Variants in MS4A10 observed in about 807,000 individuals in gnomAD.
MS4A10 encodes the protein membrane spanning 4-domains A10.
A neutral mutation model predicts 27.7 loss-of-function variants in MS4A10; 27 were observed. The ratio of observed to expected loss-of-function variants is 0.98; its 90% CI spans 0.72 to 1.35. MS4A10 has a LOEUF of 1.35. MS4A10 is among the 40% of genes most tolerant of loss of function. MS4A10 has a pLI of 0.00. For synonymous variants in MS4A10, 139 were observed against 131.2 expected (o/e 1.06, Z -0.41); for missense variants, 338 against 324.7 (o/e 1.04, Z -0.32).
intron 6 of MS4A10, among the ~76,000 whole-genome samples, chr11:60,796,196 T>TGATAGATG (rs1854529088): frequency 6.6e-6 from 1 of 151,580 alleles, no homozygotes; most frequent in Non-Finnish European, 1.5e-5. Flanking sequence ...ATGCATCCAT[T>TGATAGATG]GATGGATGGA....
At chr11:60,793,921 C>T (rs756862318) in intron 4 of MS4A10, 51 bp from the exon 5 acceptor site, 4 of 1,603,582 alleles carry the variant, frequency 2.5e-6, no homozygotes, top group Non-Finnish European at 3.4e-6. Flanking sequence ...GAGGACCTAG[C>T]CCCAGGTCTC....
chr11:60,795,524 C>T, intron 5 of MS4A10, 31 bp from the exon 6 acceptor site: 2 of 1,457,082 alleles, frequency 1.4e-6, no homozygotes, highest in Non-Finnish European at 1.8e-6. Flanking sequence ...AGCGAGGCCT[C>T]ACCCTGCCTT....
intron 1 of MS4A10, among the ~76,000 whole-genome samples, chr11:60,789,469 C>A (rs1302444263): frequency 1.3e-5 from 2 of 152,180 alleles, no homozygotes; most frequent in Admixed American, 6.5e-5. Flanking sequence ...TGTGTCCAGC[C>A]CCCTTCTAAC....
intron 1 of MS4A10, among the ~76,000 whole-genome samples, chr11:60,786,360 G>A (rs61898838): frequency 0.31 from 47,720 of 151,912 alleles, 8,439 homozygotes; most frequent in Non-Finnish European, 0.41. Flanking sequence ...GCAGTGTCCA[G>A]TGCAGAAACT....
chr11:60,785,779 A>C (rs1854324975), intron 1 of MS4A10, among the ~76,000 whole-genome samples: 1 of 152,106 alleles, frequency 6.6e-6, no homozygotes. Context: ...CTTTTCTTGC[A>C]GTCTGGAAAT....
intron 7 of MS4A10, among the ~76,000 whole-genome samples, chr11:60,798,928 G>A (rs999979020): frequency 1.3e-5 from 2 of 152,200 alleles, no homozygotes; most frequent in African/African-American, 2.4e-5. Context: ...AGCCAGGAAG[G>A]AAGGTCTCCA....
At chr11:60,797,205 G>A (rs514147) in intron 6 of MS4A10, among the ~76,000 whole-genome samples, 148,459 of 152,320 alleles carry the variant, frequency 0.97, 72,468 homozygotes, top group Middle Eastern at 1. Context: ...GGGAAAACTG[G>A]GGCCCCATAC....
chr11:60,790,663 C>G, intron 2 of MS4A10, 145 bp downstream of exon 2: 1 of 976,552 alleles, frequency 1.0e-6, no homozygotes, highest in South Asian at 1.7e-5. Context: ...CTGGAAAAGG[C>G]CTTGAAGATT....
Position 60,790,565 on chromosome 11 carries a change from G to A in MS4A10, c.183+47G>A, listed in dbSNP as rs779927807. 17 of 1,605,872 alleles carry A rather than the reference G, an allele frequency of 1.1e-5. No homozygotes were observed. The Admixed American group carries it at 2.7e-4, about 25-fold the overall frequency. On this transcript the variant is annotated intron_variant, in intron 2 of 7. Transcript: ENST00000308287. ...TCCCAGCAGTGGGAGGCAGAGGAGA[G>A]GGGGATATGAGGAGGATGCTGGGGG...
chr11:60,790,426 A>C lies in MS4A10; in HGVS notation c.91A>C (p.Ser31Arg). ...CAGCCCAGTCCAGCCCTGGCAGACAAGTGCACCCCAGAACACGACCCAGCC... is the reference window on the plus strand; with the variant it reads ...CAGCCCAGTCCAGCCCTGGCAGACACGTGCACCCCAGAACACGACCCAGCC... ...VLSPVQPWQT[S>R]APQNTTQPKL... The change falls in exon 2 of 8, where the codon AGT (serine) becomes CGT (arginine). Residue 31 changes from serine (S) to arginine (R), a missense_variant. Coordinates refer to ENST00000308287, the MANE Select transcript of MS4A10 (RefSeq NM_206893.4). 1 of 1,614,066 alleles carries C rather than the reference A, an allele frequency of 6.2e-7. No individual in the cohort carries two copies.
At chr11:60,798,261 C>T (rs1021713817) in intron 6 of MS4A10, 135 bp from the exon 7 acceptor site, 6 of 686,460 alleles carry the variant, frequency 8.7e-6, no homozygotes, top group South Asian at 3.5e-5. Flanking sequence ...GAAGTCGCTT[C>T]GTCTCTCAAG....
chr11:60,797,092 CTT>C (rs1185237031), intron 6 of MS4A10, among the ~76,000 whole-genome samples: 1 of 152,084 alleles, frequency 6.6e-6, no homozygotes. Context: ...GAGAAGGTGT[CTT>C]TGTTAATTCC....
intron 6 of MS4A10, among the ~76,000 whole-genome samples, chr11:60,798,120 C>T (rs1854561464): frequency 6.6e-6 from 1 of 152,256 alleles, no homozygotes; most frequent in African/African-American, 2.4e-5. Flanking sequence ...GGGTGAGTGA[C>T]TTGCACCTGG....
chr11:60,799,521 A>G (rs1854594860), intron 7 of MS4A10, among the ~76,000 whole-genome samples: 1 of 152,128 alleles, frequency 6.6e-6, no homozygotes, highest in Non-Finnish European at 1.5e-5. Context: ...AATAAAACGC[A>G]ATTTTCCCCT....
At chr11:60,791,532 G>T (rs1270652725) in intron 3 of MS4A10, among the ~76,000 whole-genome samples, 1 of 152,142 alleles carries the variant, frequency 6.6e-6, no homozygotes, top group African/African-American at 2.4e-5. Flanking sequence ...GCCAGGATGG[G>T]AGATGACACT....
intron 7 of MS4A10, among the ~76,000 whole-genome samples, chr11:60,798,954 G>C (rs1394620467): frequency 6.6e-6 from 1 of 152,170 alleles, no homozygotes; most frequent in Non-Finnish European, 1.5e-5. Flanking sequence ...GCACAGGCAG[G>C]GGCTTCCCTT....
In MS4A10 at chr11:60,799,955, C is replaced by T. The variant is rs991858279; in HGVS notation, c.*46C>T. 3 of 1,613,370 alleles carry T rather than the reference C, an allele frequency of 1.9e-6. No individual in the cohort carries two copies. In the African/African-American group the frequency reaches 4.0e-5, roughly 22 times the overall value. On this transcript the variant is annotated 3_prime_UTR_variant, in exon 8 of 8. Coordinates refer to ENST00000308287, the MANE Select transcript of MS4A10 (RefSeq NM_206893.4). ...CCCAAACTTGGTTGGAGCATAGCCC[C>T]TGCTCTCCCAAAGTTGCACTTTCAC...
At position 60,790,520 on chromosome 11, in the gene MS4A10, T is replaced by G; in HGVS notation, c.183+2T>G. 2 of 1,613,404 alleles carry G rather than the reference T, an allele frequency of 1.2e-6. No individual in the cohort carries two copies. Among genetic ancestry groups the G allele is most frequent in the Non-Finnish European group, 1.7e-6 (2 of 1,179,778 alleles). ...AGCAGCCTTCTTAAGGAGCTGGGGG[T>G]GAGCATCCACTTCCCAGGGTCCCAG... On this transcript the variant is annotated splice_donor_variant, in intron 2 of 7. Coordinates refer to ENST00000308287, the MANE Select transcript of MS4A10 (RefSeq NM_206893.4). LOFTEE classifies it high-confidence loss of function.
intron 5 of MS4A10, among the ~76,000 whole-genome samples, chr11:60,794,843 C>A (rs1476956335): frequency 6.6e-6 from 1 of 152,038 alleles, no homozygotes; most frequent in Non-Finnish European, 1.5e-5. Context: ...CACCACCACG[C>A]CAGGCTAATT....
Sources: gnomAD v4.1 joint callset for allele counts (sites outside exome capture counted in the v4.1 genomes callset) on GRCh38, gnomAD v4.1.1 for gene constraint, MANE v1.5 for transcripts, NCBI Gene and HGNC (gene_info 2026-07-23, HGNC 2026-07-21) for gene names.